The following COL23A1 variants were observed in gnomAD, a reference collection of about 807,000 sequenced individuals.
The protein encoded by COL23A1 is collagen type XXIII alpha 1 chain.
In COL23A1, 97 loss-of-function variants were observed where a neutral mutation model predicts 99.3. The ratio of observed to expected loss-of-function variants is 0.98; its 90% CI spans 0.83 to 1.16. COL23A1 has a LOEUF of 1.16. Ranked by LOEUF, COL23A1 falls within the 50% of genes most tolerant of loss-of-function variation. COL23A1 has a pLI of 0.00. For synonymous variants in COL23A1, 320 were observed against 308.2 expected (o/e 1.04, Z -0.40); for missense variants, 762 against 757.4 (o/e 1.01, Z -0.07).
chr5:178,465,411 A>C (rs1338853610), intron 2 of COL23A1, among the ~76,000 whole-genome samples: 2 of 152,194 alleles, frequency 1.3e-5, no homozygotes, highest in Non-Finnish European at 2.9e-5. Flanking sequence ...TAAATGGTGC[A>C]TCTGTTTTCT....
At chr5:178,481,990 G>C (rs1562010618) in intron 2 of COL23A1, among the ~76,000 whole-genome samples, 1 of 150,378 alleles carries the variant, frequency 6.6e-6, no homozygotes, top group Non-Finnish European at 1.5e-5. Flanking sequence ...CCTGCGTGTT[G>C]TGTACATGTA....
intron 25 of COL23A1, among the ~76,000 whole-genome samples, chr5:178,244,120 C>T (rs181497102): frequency 6.6e-6 from 1 of 151,580 alleles, no homozygotes; most frequent in African/African-American, 2.4e-5. Flanking sequence ...GCTGGGACTA[C>T]AGGCACCCGC....
intron 2 of COL23A1, among the ~76,000 whole-genome samples, chr5:178,549,786 G>A (rs1392738657): frequency 6.6e-6 from 1 of 152,116 alleles, no homozygotes; most frequent in African/African-American, 2.4e-5. Context: ...TTGCACTCCA[G>A]CCTGGACAAC....
chr5:178,548,247 G>A (rs895159198), intron 2 of COL23A1, among the ~76,000 whole-genome samples: 1 of 151,624 alleles, frequency 6.6e-6, no homozygotes, highest in African/African-American at 2.4e-5. Flanking sequence ...CACTCCGGCC[G>A]GGCCCTGCAC....
chr5:178,393,524 A>G (rs1261086898), intron 2 of COL23A1, among the ~76,000 whole-genome samples: 1 of 152,206 alleles, frequency 6.6e-6, no homozygotes, highest in African/African-American at 2.4e-5. Flanking sequence ...GGTACATTTT[A>G]TGTTATGTAT....
rs200552313 is a variant in COL23A1, at chr5:178,357,675, G to A, written c.362-50756C>T. On this transcript the variant is annotated intron_variant, in intron 2 of 28. Transcript: ENST00000390654. ...ATTTACCCATCAGCTGAAATTTTCA[G>A]TTGTTATTTTGCTTAATGTCAGGTC... 1.6e-4 allele frequency among the ~76,000 whole-genome samples: 24 copies of A among 152,232 alleles called. No individual in the cohort carries two copies. In the East Asian group the frequency reaches 4.6e-3, roughly 29 times the overall value.
At chr5:178,551,544 G>C (rs1762004237) in intron 2 of COL23A1, among the ~76,000 whole-genome samples, 1 of 152,144 alleles carries the variant, frequency 6.6e-6, no homozygotes, top group African/African-American at 2.4e-5. Flanking sequence ...CCAAAGGCAT[G>C]CTGCTTCAGG....
At chr5:178,555,122 G>A (rs527353797) in intron 2 of COL23A1, among the ~76,000 whole-genome samples, 73 of 152,240 alleles carry the variant, frequency 4.8e-4, no homozygotes, top group African/African-American at 1.6e-3. Flanking sequence ...TCTTCTCCAC[G>A]TGTCTTCACA....
chr5:178,261,804 T>G, intron 10 of COL23A1, 56 bp from the exon 11 acceptor site: 1 of 1,419,294 alleles, frequency 7.0e-7, no homozygotes, highest in Non-Finnish European at 1.0e-6. Flanking sequence ...CTCCTGGGCC[T>G]GTCCTTCTTA....
At chr5:178,496,778 G>A (rs1213165492) in intron 2 of COL23A1, among the ~76,000 whole-genome samples, 1 of 152,210 alleles carries the variant, frequency 6.6e-6, no homozygotes, top group South Asian at 2.1e-4. Context: ...GAAATAAGAT[G>A]TATTACAAAG....
chr5:178,494,275 C>T (rs896454297), intron 2 of COL23A1, among the ~76,000 whole-genome samples: 8 of 152,170 alleles, frequency 5.3e-5, no homozygotes, highest in Non-Finnish European at 7.4e-5. Flanking sequence ...CTTGGAGAGA[C>T]GACCAAGCCA....
intron 2 of COL23A1, among the ~76,000 whole-genome samples, chr5:178,525,968 C>G (rs1459637154): frequency 3.9e-5 from 6 of 152,076 alleles, no homozygotes; most frequent in African/African-American, 9.7e-5. Flanking sequence ...AGAGGGAAAG[C>G]AAACTCATAC....
At chr5:178,490,149 C>G (rs1757849446) in intron 2 of COL23A1, among the ~76,000 whole-genome samples, 2 of 151,970 alleles carry the variant, frequency 1.3e-5, no homozygotes, top group African/African-American at 4.8e-5. Context: ...TCGCTTGAAC[C>G]TGGGAGGCAG....
chr5:178,383,143 C>T (rs938723679), intron 2 of COL23A1, among the ~76,000 whole-genome samples: 10 of 152,136 alleles, frequency 6.6e-5, no homozygotes, highest in African/African-American at 2.4e-4. Context: ...GCTGCCTCCC[C>T]CTCCCCCTCC....
rs565143853 is a variant in COL23A1 at position 178,430,851 on chromosome 5, G to A, written c.362-123932C>T. 3.9e-5 allele frequency among the ~76,000 whole-genome samples: 6 copies of A among 152,240 alleles called. No individual in the cohort carries two copies. In the South Asian group the frequency reaches 8.3e-4, roughly 21 times the overall value. ...GTGCCTTGTGGTTGCTAGGTATGGT[G>A]GGTACAGAGGTAGGTGAGTCCCTAC... On this transcript the variant is annotated intron_variant, in intron 2 of 28. Coordinates refer to ENST00000390654, the MANE Select transcript of COL23A1 (RefSeq NM_173465.4).
At chr5:178,446,471 G>A (rs1413394022) in intron 2 of COL23A1, among the ~76,000 whole-genome samples, 1 of 151,940 alleles carries the variant, frequency 6.6e-6, no homozygotes, top group Non-Finnish European at 1.5e-5. Context: ...TTATATAGTT[G>A]ATTTTAATTT....
chr5:178,361,003 T>C (rs1762148194), intron 2 of COL23A1, among the ~76,000 whole-genome samples: 1 of 152,190 alleles, frequency 6.6e-6, no homozygotes, highest in African/African-American at 2.4e-5. Flanking sequence ...ACTGAACACG[T>C]CTCAGGGACA....
chr5:178,357,745 T>C (rs887480028), intron 2 of COL23A1, among the ~76,000 whole-genome samples: 2 of 150,188 alleles, frequency 1.3e-5, no homozygotes, highest in African/African-American at 4.9e-5. Flanking sequence ...TGTATGTACG[T>C]GTATGTGTGT....
At chr5:178,326,871 C>T (rs918095468) in intron 2 of COL23A1, among the ~76,000 whole-genome samples, 2 of 152,220 alleles carry the variant, frequency 1.3e-5, no homozygotes, top group African/African-American at 2.4e-5. Context: ...AGGCGCCTGC[C>T]ACCACGCCTG....
Sources: allele counts gnomAD v4.1 joint callset (sites outside exome capture counted in the v4.1 genomes callset), GRCh38; gene constraint gnomAD v4.1.1; transcripts MANE v1.5; gene names NCBI Gene and HGNC (gene_info 2026-07-23, HGNC 2026-07-21).